IQSEC1: variants seen among roughly 807,000 people sequenced by gnomAD.
IQSEC1 encodes the protein IQ motif and SEC7 domain-containing protein 1.
A neutral mutation model predicts 91.0 loss-of-function variants in IQSEC1; 31 were observed. The ratio of observed to expected loss-of-function variants is 0.34; its 90% CI spans 0.26 to 0.46. The LOEUF (loss-of-function observed/expected upper bound fraction) is 0.46. Ranked by LOEUF, IQSEC1 falls within the 20% of genes least tolerant of loss-of-function variation. The pLI is 1.00. For missense variants in IQSEC1, 1,388 were observed against 1,575.6 expected (o/e 0.88, Z 2.02); for synonymous variants, 699 against 662.6 (o/e 1.05, Z -0.84).
intron 2 of IQSEC1, among the ~76,000 whole-genome samples, chr3:13,157,996 AGT>A (rs1707110786): frequency 6.6e-6 from 1 of 152,218 alleles, no homozygotes; most frequent in Non-Finnish European, 1.5e-5. Flanking sequence ...CTGTTAAATG[AGT>A]GTGAAATCTG....
At chr3:13,180,923 C>T (rs918453077) in intron 1 of IQSEC1, among the ~76,000 whole-genome samples, 4 of 152,292 alleles carry the variant, frequency 2.6e-5, no homozygotes, top group South Asian at 2.1e-4. Context: ...CGAGGGTCCG[C>T]GGCTTCATTC....
chr3:13,143,962 A>T (rs1234878407), intron 2 of IQSEC1, among the ~76,000 whole-genome samples: 3 of 152,178 alleles, frequency 2.0e-5, no homozygotes, highest in African/African-American at 7.2e-5. Flanking sequence ...GGTTCCTACC[A>T]TCTGGCTAAA....
At chr3:12,933,774 A>T (rs1446141220) in intron 3 of IQSEC1, among the ~76,000 whole-genome samples, 1 of 152,268 alleles carries the variant, frequency 6.6e-6, no homozygotes, top group Non-Finnish European at 1.5e-5. Flanking sequence ...CTGGAAGGAG[A>T]GACTGCAACA....
chr3:13,011,035 C>T (rs1005578548), intron 1 of IQSEC1, among the ~76,000 whole-genome samples: 4 of 152,230 alleles, frequency 2.6e-5, no homozygotes, highest in Admixed American at 1.3e-4. Context: ...TCCAGCTTCC[C>T]ATCACTCTGC....
intron 1 of IQSEC1, among the ~76,000 whole-genome samples, chr3:13,242,027 ATG>A (rs1381438966): frequency 1.3e-5 from 2 of 151,278 alleles, no homozygotes; most frequent in Non-Finnish European, 3.0e-5. Context: ...ACATACACAC[ATG>A]TGTGTATGTG....
intron 3 of IQSEC1, among the ~76,000 whole-genome samples, chr3:12,933,438 C>T (rs938273441): frequency 2.0e-5 from 3 of 152,212 alleles, no homozygotes; most frequent in Non-Finnish European, 4.4e-5. Context: ...AAGACAATGT[C>T]ACAGTCCCGC....
intron 1 of IQSEC1, among the ~76,000 whole-genome samples, chr3:13,182,419 T>C (rs140798029): frequency 5.4e-4 from 82 of 152,300 alleles, no homozygotes; most frequent in African/African-American, 1.9e-3. Flanking sequence ...GGTAAAAATA[T>C]TGTGTGTCAG....
chr3:12,955,689 A>C (rs1699857540), intron 1 of IQSEC1, among the ~76,000 whole-genome samples: 1 of 152,206 alleles, frequency 6.6e-6, no homozygotes, highest in East Asian at 1.9e-4. Flanking sequence ...GCAGCCTTTA[A>C]AGAGAGGGGC....
intron 1 of IQSEC1, among the ~76,000 whole-genome samples, chr3:13,200,238 C>A (rs972456379): frequency 1.4e-5 from 2 of 147,576 alleles, no homozygotes; most frequent in Non-Finnish European, 3.0e-5. Flanking sequence ...TGCACACAAA[C>A]ACACCCACAT....
At chr3:13,048,335 CCCA>C (rs1704571681) in intron 1 of IQSEC1, among the ~76,000 whole-genome samples, 1 of 152,198 alleles carries the variant, frequency 6.6e-6, no homozygotes, top group Non-Finnish European at 1.5e-5. Flanking sequence ...GGGCCCCATC[CCCA>C]CAACACTGCC....
chr3:13,263,180 G>T (rs1695418329), intron 1 of IQSEC1, among the ~76,000 whole-genome samples: 1 of 152,082 alleles, frequency 6.6e-6, no homozygotes, highest in Non-Finnish European at 1.5e-5. Flanking sequence ...AGCCTCGGAG[G>T]CAGAGGTTGC....
intron 1 of IQSEC1, among the ~76,000 whole-genome samples, chr3:13,002,954 A>G (rs1382339781): frequency 1.3e-5 from 2 of 152,210 alleles, no homozygotes; most frequent in African/African-American, 4.8e-5. Context: ...TTACTATGTG[A>G]CCCAGCAATT....
chr3:12,972,932 G>A (rs1161520775), intron 1 of IQSEC1, among the ~76,000 whole-genome samples: 1 of 152,204 alleles, frequency 6.6e-6, no homozygotes, highest in Non-Finnish European at 1.5e-5. Flanking sequence ...TGGCACCTCA[G>A]GGAAGCCAGC....
At chr3:13,170,609 G>C (rs540446687) in intron 1 of IQSEC1, among the ~76,000 whole-genome samples, 1 of 152,372 alleles carries the variant, frequency 6.6e-6, no homozygotes, top group East Asian at 1.9e-4. Context: ...CAGAGCGCCA[G>C]GGTAATGCAG....
intron 1 of IQSEC1, among the ~76,000 whole-genome samples, chr3:12,998,701 T>C (rs1399156456): frequency 1.3e-5 from 2 of 152,188 alleles, no homozygotes; most frequent in African/African-American, 2.4e-5. Context: ...GGTACCTGCA[T>C]ATGTTGTCTC....
In IQSEC1 at chr3:12,994,749, G is replaced by C. The variant is rs976077560; in HGVS notation, c.24-52884C>G. 6.6e-6 allele frequency among the ~76,000 whole-genome samples: 1 copy of C among 152,112 alleles called. No individual in the cohort carries two copies. The highest frequency in any genetic ancestry group is 1.5e-5 in the Non-Finnish European group (1 of 68,010). ...CCCTCCAGGACACACCCTCCTGACTGTTTGGGGACGGGGTGGGGACCTGGG... is the reference window on the plus strand; with the variant it reads ...CCCTCCAGGACACACCCTCCTGACTCTTTGGGGACGGGGTGGGGACCTGGG... On this transcript the variant is annotated intron_variant, in intron 1 of 13. Transcript: ENST00000613206. The surrounding 1 kb of genome is among the most constrained non-coding windows in gnomAD (Gnocchi z 4.5).
At chr3:12,937,720 G>T (rs1698328988) in intron 2 of IQSEC1, among the ~76,000 whole-genome samples, 1 of 152,208 alleles carries the variant, frequency 6.6e-6, no homozygotes, top group African/African-American at 2.4e-5. Flanking sequence ...GGGGCAGCTG[G>T]GCTGGAAAGA....
At chr3:12,930,988 G>A (rs1336181362) in intron 3 of IQSEC1, among the ~76,000 whole-genome samples, 2 of 152,170 alleles carry the variant, frequency 1.3e-5, no homozygotes, top group Non-Finnish European at 2.9e-5. Context: ...GCCAGGGCCA[G>A]CAAGCTCGCC....
At chr3:12,941,395 T>G (rs967917281) in intron 2 of IQSEC1, among the ~76,000 whole-genome samples, 176 bp downstream of exon 2, 4 of 152,192 alleles carry the variant, frequency 2.6e-5, no homozygotes, top group Non-Finnish European at 5.9e-5. Flanking sequence ...GGCAAGAGGC[T>G]CCTGAGAGCA....
Sources: gnomAD v4.1 joint callset for allele counts (sites outside exome capture counted in the v4.1 genomes callset) on GRCh38, gnomAD v4.1.1 for gene constraint, Gnocchi (gnomAD v3.1) non-coding constraint, MANE v1.5 for transcripts, NCBI Gene and HGNC (gene_info 2026-07-23, HGNC 2026-07-21) for gene names.